PRRC2C: variants seen among roughly 807,000 people sequenced by gnomAD.
PRRC2C encodes proline rich coiled-coil 2C, also known as protein PRRC2C.
A neutral mutation model predicts 317.2 loss-of-function variants in PRRC2C; 72 were observed. The ratio of observed to expected loss-of-function variants is 0.23; its 90% CI spans 0.19 to 0.28. The LOEUF (loss-of-function observed/expected upper bound fraction) is 0.28. PRRC2C is among the 10% of genes least tolerant of loss of function. The pLI, the probability that PRRC2C is intolerant of heterozygous loss-of-function variation, is 1.00. For missense variants in PRRC2C, 3,074 were observed against 3,459.7 expected, an observed-to-expected ratio of 0.89 and a Z score of 2.80; for synonymous variants, 1,296 against 1,205.9, an observed-to-expected ratio of 1.07 and a Z score of -1.55.
chr1:171,491,074 G>A (rs1197373899), intron 1 of PRRC2C, among the ~76,000 whole-genome samples: 1 of 152,066 alleles, frequency 6.6e-6, no homozygotes, highest in African/African-American at 2.4e-5. Flanking sequence ...CAAGACATGA[G>A]TCTTGACCAT....
Position 171,540,213 on chromosome 1 carries a change from C to G in PRRC2C, c.2747C>G (p.Ala916Gly). Residue 916 changes from alanine to glycine, a missense_variant, in exon 16 of 35, where the codon GCT (alanine) becomes GGT (glycine). This residue lies in a region of PRRC2C where 1,320 missense variants were observed against 1,395.7 expected (regional missense o/e 0.95). Transcript: ENST00000647382. ...GCTCCTCAAGAGGAGCGGATTTCAG[C>G]TGTAGAAAGTCAGCCTTCCCGGAAA... is the stretch of plus-strand genomic sequence containing the variant. ...LSAPQEERIS[A>G]VESQPSRKRS... The G allele has an allele frequency of 6.2e-7, 1 of 1,613,930 alleles. No individual in the cohort carries two copies. The highest frequency in any genetic ancestry group is 8.5e-7 in the Non-Finnish European group (1 of 1,179,874).
intron 20 of PRRC2C, 88 bp downstream of exon 20, chr1:171,561,191 C>G: frequency 1.6e-6 from 2 of 1,271,350 alleles, no homozygotes; most frequent in South Asian, 1.2e-5. Flanking sequence ...ACCTGTAATC[C>G]TAGCGTGGTG....
chr1:171,573,802 C>T (rs921577041), intron 24 of PRRC2C, among the ~76,000 whole-genome samples: 1 of 150,580 alleles, frequency 6.6e-6, no homozygotes, highest in Non-Finnish European at 1.5e-5. Flanking sequence ...CCTCAGCCTC[C>T]CGAGTAGCTG....
intron 20 of PRRC2C, among the ~76,000 whole-genome samples, chr1:171,562,772 G>T (rs770249545): frequency 6.6e-6 from 1 of 152,150 alleles, no homozygotes; most frequent in Non-Finnish European, 1.5e-5. Context: ...TAGTTCAGAA[G>T]AGTTCATCTA....
rs879565211 is a variant in PRRC2C at position 171,592,785 on chromosome 1, G to A, written c.*938G>A. 1 of 151,990 alleles carries A rather than the reference G, an allele frequency of 6.6e-6. No homozygotes were observed. The highest frequency in any genetic ancestry group is 1.5e-5 in the Non-Finnish European group (1 of 68,004). 9.4% of individuals were successfully genotyped at this position (151,990 alleles called of 1,614,324 possible). A position where few individuals can be genotyped will look rare whatever the true frequency, so the allele number is the denominator to read the frequency against. On this transcript the variant is annotated 3_prime_UTR_variant, in exon 35 of 35. Coordinates refer to ENST00000647382, the MANE Select transcript of PRRC2C (RefSeq NM_001387844.1). ...CCTAGAACTGTGCCACTAATTAAAGGAAATCCTAAGAAGGTGCATTTCTTT... is the reference window on the plus strand; with the variant it reads ...CCTAGAACTGTGCCACTAATTAAAGAAAATCCTAAGAAGGTGCATTTCTTT...
At chr1:171,507,613 C>CAA (rs999836052) in intron 1 of PRRC2C, among the ~76,000 whole-genome samples, 13 of 149,498 alleles carry the variant, frequency 8.7e-5, no homozygotes, top group African/African-American at 3.2e-4. Flanking sequence ...GACTCTGTCT[C>CAA]AAAAAAAAAA....
At chr1:171,512,878 C>A in intron 2 of PRRC2C, 117 bp from the exon 3 acceptor site, 1 of 924,832 alleles carries the variant, frequency 1.1e-6, no homozygotes, top group Non-Finnish European at 1.5e-6. Flanking sequence ...TTTTAAAATA[C>A]ATGAATGAAA....
chr1:171,584,425 G>A lies in PRRC2C; in HGVS notation c.7648G>A (p.Ala2550Thr). Reference protein sequence around the residue: ...LIDTHLLQARANLTQASNLYS... With the variant: ...LIDTHLLQARTNLTQASNLYS... ...CTTAAAAAATTTTTTCTAGGCCAGA[G>A]CAAATCTTACCCAGGCCTCAAATCT... is the stretch of plus-strand genomic sequence containing the variant. Residue 2550 changes from alanine (A) to threonine (T), a missense_variant, in exon 30 of 35, where the codon GCA becomes ACA. Physicochemically the swap from Ala to Thr is moderately conservative, Grantham distance 58 (BLOSUM62 0). Transcript: ENST00000647382. 1 of 1,566,442 alleles carries A rather than the reference G, an allele frequency of 6.4e-7. No homozygotes were observed. Among genetic ancestry groups the A allele is most frequent in the East Asian group, 2.3e-5 (1 of 43,120 alleles).
chr1:171,592,466 T>A lies in PRRC2C; in HGVS notation c.*619T>A, dbSNP rs1237105067. On this transcript the variant is annotated 3_prime_UTR_variant, in exon 35 of 35. Coordinates refer to ENST00000647382, the MANE Select transcript of PRRC2C (RefSeq NM_001387844.1). ...CTTCCTGGATGAATGAGCAGATAAA[T>A]ATTGATGTCAGCATCCTTGAACCAT... 1 of 152,268 alleles carries A rather than the reference T, an allele frequency of 6.6e-6. No individual in the cohort carries two copies. The highest frequency in any genetic ancestry group is 1.9e-4 in the East Asian group (1 of 5,190). 9.4% of individuals were successfully genotyped at this position (152,268 alleles called of 1,614,324 possible).
In PRRC2C at chr1:171,591,793, T is replaced by A; in HGVS notation, c.8643T>A (p.Val2881=). The change falls in exon 35 of 35, where the codon GTT becomes GTA. Residue 2881 remains valine (V), a synonymous_variant. Coordinates refer to ENST00000647382, the MANE Select transcript of PRRC2C (RefSeq NM_001387844.1). ...CACCCTCCATAGCCACCAAACCTGT[T>A]AGAACTGGACCAATCAAACCTCAGG... The part of the protein sequence containing the change: ...PPAPSIATKP[V]RTGPIKPQAI... The A allele has an allele frequency of 6.2e-7, 1 of 1,607,264 alleles. No individual in the cohort carries two copies. Among genetic ancestry groups the A allele is most frequent in the East Asian group, 2.2e-5 (1 of 44,562 alleles).
At position 171,557,781 on chromosome 1, in the gene PRRC2C, T is replaced by C; in HGVS notation, c.5669T>C (p.Ile1890Thr). 1 of 1,550,194 alleles carries C rather than the reference T, an allele frequency of 6.5e-7. No individual in the cohort carries two copies. Among genetic ancestry groups the C allele is most frequent in the Non-Finnish European group, 8.7e-7 (1 of 1,146,364 alleles). The change falls in exon 19 of 35, where the codon ATC becomes ACC. Residue 1890 changes from isoleucine to threonine, a missense_variant. Coordinates refer to ENST00000647382, the MANE Select transcript of PRRC2C (RefSeq NM_001387844.1). ...GCCTCTTCCCCAGCTGCCCCAGTCA[T>C]CACAGCACCAACTATCCCAGCCTCA... ...PAASSPAAPV[I>T]TAPTIPASAP...
chr1:171,518,096 A>G (rs1373176447), intron 6 of PRRC2C, among the ~76,000 whole-genome samples: 1 of 152,226 alleles, frequency 6.6e-6, no homozygotes, highest in Non-Finnish European at 1.5e-5. Context: ...TGTACCAGAT[A>G]GGAAACAAAT....
At chr1:171,560,525 C>T (rs897983565) in intron 19 of PRRC2C, among the ~76,000 whole-genome samples, 1 of 152,158 alleles carries the variant, frequency 6.6e-6, no homozygotes, top group Non-Finnish European at 1.5e-5. Flanking sequence ...TAAGTAACTG[C>T]CACAGCCATG....
At chr1:171,523,394 T>A (rs2102349832) in intron 8 of PRRC2C, 40 bp downstream of exon 8, 1 of 1,613,854 alleles carries the variant, frequency 6.2e-7, no homozygotes, top group African/African-American at 1.3e-5. Context: ...AATTGTTAGA[T>A]GCTTTCAAGC....
chr1:171,555,969 C>A (rs1681294365), intron 18 of PRRC2C, among the ~76,000 whole-genome samples: 1 of 152,206 alleles, frequency 6.6e-6, no homozygotes, highest in Non-Finnish European at 1.5e-5. Flanking sequence ...CAGACAGGGA[C>A]TTTTAAGTTT....
At position 171,575,080 on chromosome 1, in the gene PRRC2C, A is replaced by T; in HGVS notation, c.6907A>T (p.Met2303Leu). 1.9e-6 allele frequency: 3 copies of T among 1,613,924 alleles called. No individual in the cohort carries two copies. ...ANYNSFSSAS[M>L]PQIPVASVTP... ...TTACAATTCGTTCTCAAGTGCATCC[A>T]TGCCCCAGATTCCTGTTGCTTCAGT... The change falls in exon 25 of 35, where the codon ATG becomes TTG. Residue 2303 changes from methionine to leucine, a missense_variant. Around this residue, in one of 11 missense-constraint regions of PRRC2C, gnomAD observed 490 missense variants for 663.1 expected, o/e 0.74. Transcript: ENST00000647382.
chr1:171,591,925 A>G lies in PRRC2C; in HGVS notation c.*78A>G. The G allele has an allele frequency of 1.3e-6, 2 of 1,511,682 alleles. No homozygotes were observed. Among genetic ancestry groups the G allele is most frequent in the South Asian group, 1.3e-5 (1 of 77,006 alleles). The allele number at this position is 1,511,682 out of a possible 1,614,324, so 93.6% of individuals were successfully genotyped here. A position where few individuals can be genotyped will look rare whatever the true frequency, so the allele number is the denominator to read the frequency against. The stretch of plus-strand genomic sequence containing the variant: ...TTAAGTCAGATAATGCTGGCAGCCA[A>G]AGGGGCAAAATGGCCTGTGACATTA... On this transcript the variant is annotated 3_prime_UTR_variant, in exon 35 of 35. Transcript: ENST00000647382.
chr1:171,586,920 TTGAA>T (rs1650168797), intron 30 of PRRC2C, 79 bp from the exon 31 acceptor site: 1 of 1,049,642 alleles, frequency 9.5e-7, no homozygotes, highest in Admixed American at 2.3e-5. Context: ...TCAAAAGTAT[TTGAA>T]GAGTTGTGTA....
At chr1:171,533,779 G>A (rs1408282534) in intron 12 of PRRC2C, among the ~76,000 whole-genome samples, 4 of 151,962 alleles carry the variant, frequency 2.6e-5, no homozygotes, top group South Asian at 2.1e-4. Flanking sequence ...GCGTGCCACC[G>A]CACCCAGCTA....
Sources: gnomAD v4.1 joint callset for allele counts (sites outside exome capture counted in the v4.1 genomes callset) on GRCh38, gnomAD v4.1.1 for gene constraint, gnomAD v4.1.1 regional missense constraint, MANE v1.5 for transcripts, NCBI Gene and HGNC (gene_info 2026-07-23, HGNC 2026-07-21) for gene names.